The following GPC6 variants were observed in gnomAD, a reference collection of about 807,000 sequenced individuals.
GPC6 encodes glypican-6.
GPC6 carries 14 observed loss-of-function variants against 55.2 expected under a neutral mutation model. The observed-to-expected ratio is 0.25, with a 90% confidence interval of 0.17 to 0.40. The LOEUF (loss-of-function observed/expected upper bound fraction) is 0.40. Ranked by LOEUF, GPC6 falls within the 10% of genes least tolerant of loss-of-function variation. The pLI, the probability that GPC6 is intolerant of heterozygous loss-of-function variation, is 1.00. For missense variants in GPC6, 641 were observed against 708.5 expected (o/e 0.90, Z 1.08); for synonymous variants, 278 against 259.6 (o/e 1.07, Z -0.68).
At chr13:94,154,993 C>T (rs1221490714) in intron 4 of GPC6, among the ~76,000 whole-genome samples, 1 of 152,174 alleles carries the variant, frequency 6.6e-6, no homozygotes. Flanking sequence ...TCTGCCCTTT[C>T]TTGTCCCTTG....
At chr13:94,211,798 A>G (rs570824609) in intron 4 of GPC6, among the ~76,000 whole-genome samples, 1 of 152,342 alleles carries the variant, frequency 6.6e-6, no homozygotes, top group South Asian at 2.1e-4. Flanking sequence ...AGAGTTCCTG[A>G]AAAAGCCAAT....
At chr13:93,593,329 C>T (rs973366546) in intron 2 of GPC6, among the ~76,000 whole-genome samples, 1 of 152,070 alleles carries the variant, frequency 6.6e-6, no homozygotes, top group Non-Finnish European at 1.5e-5. Flanking sequence ...CCAGAATACA[C>T]AGCAGATATT....
At chr13:93,666,476 A>G (rs1268521243) in intron 2 of GPC6, among the ~76,000 whole-genome samples, 1 of 152,168 alleles carries the variant, frequency 6.6e-6, no homozygotes, top group East Asian at 1.9e-4. Context: ...AAAAATGCCT[A>G]CTTCACTCTG....
At chr13:93,786,048 A>G (rs1455800949) in intron 2 of GPC6, among the ~76,000 whole-genome samples, 1 of 152,236 alleles carries the variant, frequency 6.6e-6, no homozygotes, top group Non-Finnish European at 1.5e-5. Context: ...AAATGATAGA[A>G]GAATTTTAGG....
intron 2 of GPC6, among the ~76,000 whole-genome samples, chr13:93,642,927 A>G (rs1880019341): frequency 6.6e-6 from 1 of 152,132 alleles, no homozygotes; most frequent in Non-Finnish European, 1.5e-5. Flanking sequence ...GAAAATATTT[A>G]CTTGCCAAGT....
chr13:94,144,404 AACAC>A (rs59772537), intron 4 of GPC6, among the ~76,000 whole-genome samples: 23,192 of 143,200 alleles, frequency 0.16, 1,996 homozygotes, highest in East Asian at 0.31. Context: ...GTGCTTTTAA[AACAC>A]ACACACACAC....
At chr13:94,108,433 T>G (rs1191608011) in intron 4 of GPC6, among the ~76,000 whole-genome samples, 2 of 152,166 alleles carry the variant, frequency 1.3e-5, no homozygotes, top group Non-Finnish European at 2.9e-5. Flanking sequence ...CGTTCTTGTA[T>G]GCTGCTTAGG....
intron 4 of GPC6, among the ~76,000 whole-genome samples, chr13:94,143,967 TCAACA>T (rs1045426133): frequency 1.3e-5 from 2 of 152,232 alleles, no homozygotes. Flanking sequence ...TCACGTGGTT[TCAACA>T]CATTATAGCT....
At chr13:94,100,310 G>A (rs1885810277) in intron 4 of GPC6, among the ~76,000 whole-genome samples, 1 of 152,112 alleles carries the variant, frequency 6.6e-6, no homozygotes, top group Non-Finnish European at 1.5e-5. Flanking sequence ...CAAAGTAGCT[G>A]TATGAAATTT....
intron 1 of GPC6, among the ~76,000 whole-genome samples, chr13:93,255,818 A>T (rs966978790): frequency 6.6e-6 from 1 of 152,170 alleles, no homozygotes; most frequent in African/African-American, 2.4e-5. Flanking sequence ...CATAATAAAT[A>T]GTAAATACAA....
intron 3 of GPC6, among the ~76,000 whole-genome samples, chr13:93,993,900 T>A (rs1594650203): frequency 6.6e-6 from 1 of 152,320 alleles, no homozygotes; most frequent in African/African-American, 2.4e-5. Flanking sequence ...AACCCCATAC[T>A]GTATGTGGGA....
At position 93,923,487 on chromosome 13, in the gene GPC6, C is replaced by CAAA. The variant is rs5805836; in HGVS notation, c.711+92952_711+92954dup. ...TTCATTCAGTTACAGAAAAATAAAG[C>CAAA]AAAAAAAAAAAATTTAACTACCATT... On this transcript the variant is annotated intron_variant, in intron 3 of 8. Coordinates refer to ENST00000377047, the MANE Select transcript of GPC6 (RefSeq NM_005708.5). Among the ~76,000 whole-genome samples the CAAA allele has an allele frequency of 3.6e-3, 534 of 149,246 alleles. 4 individuals carry two copies. The highest frequency in any genetic ancestry group is 0.013 in the African/African-American group (510 of 40,784).
chr13:93,728,119 C>T (rs1459340126), intron 2 of GPC6, among the ~76,000 whole-genome samples: 2 of 152,130 alleles, frequency 1.3e-5, no homozygotes, highest in African/African-American at 2.4e-5. Context: ...AATTATTGCA[C>T]TCTCATTTCC....
intron 2 of GPC6, chr13:93,818,842 A>T (rs1886950359): frequency 6.6e-6 from 1 of 152,212 alleles, no homozygotes. Flanking sequence ...GGGAGTTTTC[A>T]TGATGTATAA....
At chr13:93,375,183 T>G (rs1874833603) in intron 1 of GPC6, among the ~76,000 whole-genome samples, 1 of 152,200 alleles carries the variant, frequency 6.6e-6, no homozygotes. Context: ...TTCTTCTTGA[T>G]GTAAATGACA....
intron 4 of GPC6, among the ~76,000 whole-genome samples, chr13:94,193,622 G>A (rs750841174): frequency 1.1e-4 from 17 of 152,162 alleles, no homozygotes; most frequent in Admixed American, 6.5e-5. Context: ...AGAAGGGTTC[G>A]CAGTGTCGCT....
intron 4 of GPC6, among the ~76,000 whole-genome samples, chr13:94,164,431 T>C (rs1021118918): frequency 1.3e-5 from 2 of 152,198 alleles, no homozygotes; most frequent in Admixed American, 1.3e-4. Flanking sequence ...AATTGAAAGG[T>C]ATTGTTATTG....
intron 2 of GPC6, among the ~76,000 whole-genome samples, chr13:93,703,218 A>C (rs527819948): frequency 1.3e-5 from 2 of 151,970 alleles, no homozygotes; most frequent in Non-Finnish European, 2.9e-5. Flanking sequence ...GAAGAGGGAC[A>C]GGGACAAGGG....
intron 4 of GPC6, among the ~76,000 whole-genome samples, chr13:94,153,233 C>G (rs534452969): frequency 5.9e-5 from 9 of 152,128 alleles, no homozygotes; most frequent in African/African-American, 1.9e-4. Flanking sequence ...GCTCTTCATG[C>G]GAGTCAGATT....
Sources: allele counts gnomAD v4.1 joint callset (sites outside exome capture counted in the v4.1 genomes callset), GRCh38; gene constraint gnomAD v4.1.1; transcripts MANE v1.5; gene names NCBI Gene and HGNC (gene_info 2026-07-23, HGNC 2026-07-21).